Variants in EFCC1 observed in about 807,000 individuals in gnomAD.
The protein encoded by EFCC1 is EF-hand and coiled-coil domain containing 1, also known as EF-hand and coiled-coil domain-containing protein 1.
In EFCC1, 50 loss-of-function variants were observed where a neutral mutation model predicts 52.1. The ratio of observed to expected loss-of-function variants is 0.96; its 90% CI spans 0.76 to 1.21. EFCC1 has a LOEUF of 1.21. EFCC1 is among the 50% of genes most tolerant of loss of function. The pLI is 0.00. For synonymous variants in EFCC1, 399 were observed against 396.5 expected (o/e 1.01, Z -0.08); for missense variants, 837 against 867.3 (o/e 0.97, Z 0.44).
In EFCC1 at chr3:129,003,912, G is replaced by A. The variant is rs1944929933; in HGVS notation, c.815G>A (p.Gly272Glu). ...GALAAAEARA[G>E]RLRRGQAEVR... The stretch of plus-strand genomic sequence containing the variant: ...CTGGCTGCGGCGGAGGCCCGCGCTG[G>A]GCGGCTGCGCCGTGGCCAGGCCGAG... The change falls in exon 2 of 8, where the codon GGG (glycine) becomes GAG (glutamate). Residue 272 changes from glycine to glutamate, a missense_variant. Gly to Glu is a moderately conservative substitution (Grantham distance 98). Coordinates refer to ENST00000683648, the MANE Select transcript of EFCC1 (RefSeq NM_001377500.1). 1.8e-5 allele frequency: 25 copies of A among 1,353,992 alleles called. No homozygotes were observed. The highest frequency in any genetic ancestry group is 2.3e-5 in the Non-Finnish European group (24 of 1,057,742). 83.9% of individuals were successfully genotyped at this position (1,353,992 alleles called of 1,614,324 possible). A position where few individuals can be genotyped will look rare whatever the true frequency, so the allele number is the denominator to read the frequency against.
chr3:129,035,201 G>A (rs1946340209), intron 5 of EFCC1, among the ~76,000 whole-genome samples: 1 of 152,058 alleles, frequency 6.6e-6, no homozygotes, highest in South Asian at 2.1e-4. Flanking sequence ...GCCTGATGAA[G>A]TCCTAGTTCC....
chr3:129,035,472 T>C (rs1946343269), intron 5 of EFCC1, among the ~76,000 whole-genome samples: 1 of 152,206 alleles, frequency 6.6e-6, no homozygotes, highest in Non-Finnish European at 1.5e-5. Flanking sequence ...AGGGGCCTGT[T>C]TGGGCTCCAG....
At chr3:129,016,056 G>T (rs2107896878) in intron 2 of EFCC1, among the ~76,000 whole-genome samples, 1 of 152,302 alleles carries the variant, frequency 6.6e-6, no homozygotes, top group Admixed American at 6.5e-5. Flanking sequence ...GAGAGAAAAA[G>T]ACAGCAGTGA....
chr3:129,030,921 C>A, intron 3 of EFCC1, 61 bp downstream of exon 3: 1 of 1,486,648 alleles, frequency 6.7e-7, no homozygotes. Context: ...CTGTGCTCAG[C>A]CCTGCTCTCA....
Position 129,010,697 on chromosome 3 carries a change from C to T in EFCC1, c.980+6620C>T, listed in dbSNP as rs892100845. Among the ~76,000 whole-genome samples the T allele has an allele frequency of 6.6e-6, 1 of 151,906 alleles. No individual in the cohort carries two copies. Among genetic ancestry groups the T allele is most frequent in the Admixed American group, 6.5e-5 (1 of 15,268 alleles). ...TGGGAGGGAGGCAGATGAGTGGGGG[C>T]GAGCAGAGGGGGCATGGGGCACCAT... On this transcript the variant is annotated intron_variant, in intron 2 of 7. Coordinates refer to ENST00000683648, the MANE Select transcript of EFCC1 (RefSeq NM_001377500.1). This position sits in a 1 kb window ranked among gnomAD's most constrained non-coding sequence, Gnocchi z 4.3.
intron 2 of EFCC1, among the ~76,000 whole-genome samples, chr3:129,027,360 G>A (rs1452519321): frequency 6.6e-6 from 1 of 152,164 alleles, no homozygotes; most frequent in Non-Finnish European, 1.5e-5. Flanking sequence ...CGCGCTGCCG[G>A]CTGGCTCCCC....
At chr3:129,037,561 C>T (rs767759136) in intron 6 of EFCC1, among the ~76,000 whole-genome samples, 1 of 152,282 alleles carries the variant, frequency 6.6e-6, no homozygotes, top group Non-Finnish European at 1.5e-5. Flanking sequence ...CCAAAATACA[C>T]CACATTGCAG....
At chr3:129,027,381 G>A (rs113216458) in intron 2 of EFCC1, among the ~76,000 whole-genome samples, 85 of 152,248 alleles carry the variant, frequency 5.6e-4, no homozygotes, top group African/African-American at 1.9e-3. Context: ...TCTTGGGCTC[G>A]CGGGCCCTCC....
At chr3:129,005,697 G>A (rs1945044513) in intron 2 of EFCC1, among the ~76,000 whole-genome samples, 1 of 152,250 alleles carries the variant, frequency 6.6e-6, no homozygotes, top group Non-Finnish European at 1.5e-5. Context: ...CAGAAGGGGT[G>A]GCCTTGAACC....
chr3:129,015,341 T>C (rs1463792695), intron 2 of EFCC1, among the ~76,000 whole-genome samples: 1 of 152,134 alleles, frequency 6.6e-6, no homozygotes, highest in Non-Finnish European at 1.5e-5. Flanking sequence ...TACAGCCTCT[T>C]CCTAACGTCT....
At chr3:129,038,947 G>A (rs566740929) in intron 7 of EFCC1, 47 bp downstream of exon 7, 2 of 1,530,826 alleles carry the variant, frequency 1.3e-6, no homozygotes, top group East Asian at 2.2e-5. Context: ...TGGCTGGAGG[G>A]TGTCCTGAGG....
Position 129,034,196 on chromosome 3 carries a change from C to A in EFCC1, c.1319C>A (p.Thr440Asn). Residue 440 changes from threonine (T) to asparagine (N), a missense_variant, in exon 5 of 8, where the codon ACT becomes AAT. Coordinates refer to ENST00000683648, the MANE Select transcript of EFCC1 (RefSeq NM_001377500.1). ...CDDQTAEKLMTYFGHFGGANH... is the reference protein window; with the variant it reads ...CDDQTAEKLMNYFGHFGGANH... ...GACCAGACGGCGGAGAAGCTCATGA[C>A]TTACTTTGGTCACTTCGGCGGTGCC... is the stretch of plus-strand genomic sequence containing the variant. 1 of 1,614,230 alleles carries A rather than the reference C, an allele frequency of 6.2e-7. No homozygotes were observed. The highest frequency in any genetic ancestry group is 1.1e-5 in the South Asian group (1 of 91,086).
At chr3:129,021,411 A>G (rs1027073721) in intron 2 of EFCC1, among the ~76,000 whole-genome samples, 8 of 152,112 alleles carry the variant, frequency 5.3e-5, no homozygotes, top group Non-Finnish European at 8.8e-5. Flanking sequence ...CAGTGACAAA[A>G]CTCATGGTGC....
rs554763427 is a variant in EFCC1, at chr3:129,032,652, C to CCTTGGTT, written c.1139-161_1139-160insTCTTGGT. On this transcript the variant is annotated intron_variant, in intron 3 of 7. Coordinates refer to ENST00000683648, the MANE Select transcript of EFCC1 (RefSeq NM_001377500.1). ...TCACATTACAAGGAGACAGAACCAG[C>CCTTGGTT]CTTGGTGGCCTCACTGCACAGGAGC... Among the ~76,000 whole-genome samples, 568 of 152,334 alleles carry CCTTGGTT rather than the reference C, an allele frequency of 3.7e-3. 5 individuals are homozygous for CCTTGGTT. The highest frequency in any genetic ancestry group is 6.9e-3 in the Non-Finnish European group (471 of 68,024).
At chr3:129,028,578 C>T (rs55930886) in intron 2 of EFCC1, among the ~76,000 whole-genome samples, 8,086 of 152,014 alleles carry the variant, frequency 0.053, 323 homozygotes, top group Non-Finnish European at 0.078. Flanking sequence ...CTTTTTGCAG[C>T]TTTACCATGA....
At chr3:129,018,803 C>T (rs777275647) in intron 2 of EFCC1, among the ~76,000 whole-genome samples, 4 of 152,176 alleles carry the variant, frequency 2.6e-5, no homozygotes, top group African/African-American at 7.2e-5. Context: ...GTGAGTCTTT[C>T]GGGTCTGTTT....
chr3:129,003,870 G>C lies in EFCC1; in HGVS notation c.773G>C (p.Arg258Pro). 1 of 1,429,584 alleles carries C rather than the reference G, an allele frequency of 7.0e-7. No individual in the cohort carries two copies. The highest frequency in any genetic ancestry group is 9.1e-7 in the Non-Finnish European group (1 of 1,093,516). 88.6% of individuals were successfully genotyped at this position (1,429,584 alleles called of 1,614,324 possible). A position where few individuals can be genotyped will look rare whatever the true frequency, so the allele number is the denominator to read the frequency against. Reference protein sequence around the residue: ...GGPEAAVRELRQAQGALAAAE... With the variant: ...GGPEAAVRELPQAQGALAAAE... ...CCGGAGGCTGCGGTGCGGGAGCTGC[G>C]TCAGGCGCAGGGCGCCCTGGCTGCG... Residue 258 changes from arginine to proline, a missense_variant, in exon 2 of 8, where the codon CGT becomes CCT. Coordinates refer to ENST00000683648, the MANE Select transcript of EFCC1 (RefSeq NM_001377500.1).
intron 3 of EFCC1, 146 bp from the exon 4 acceptor site, chr3:129,032,673 G>A (rs1205880232): frequency 8.0e-7 from 1 of 1,252,032 alleles, no homozygotes; most frequent in East Asian, 2.6e-5. Flanking sequence ...TCACTGCACA[G>A]GAGCCTGGGA....
intron 3 of EFCC1, among the ~76,000 whole-genome samples, chr3:129,031,142 G>A (rs1946264480): frequency 6.6e-6 from 1 of 152,194 alleles, no homozygotes; most frequent in Non-Finnish European, 1.5e-5. Context: ...TAAAAGCATG[G>A]ATGCAGGCTG....
Sources: gnomAD v4.1 joint callset for allele counts (sites outside exome capture counted in the v4.1 genomes callset) on GRCh38, gnomAD v4.1.1 for gene constraint, Gnocchi (gnomAD v3.1) non-coding constraint, MANE v1.5 for transcripts, NCBI Gene and HGNC (gene_info 2026-07-23, HGNC 2026-07-21) for gene names.